The following DNAJC25 variants were observed in gnomAD, a reference collection of about 807,000 sequenced individuals.
DNAJC25 encodes the protein DnaJ heat shock protein family (Hsp40) member C25, also known as dnaJ homolog subfamily C member 25.
DNAJC25 carries 26 observed loss-of-function variants against 42.1 expected under a neutral mutation model. That is an observed-to-expected ratio of 0.62 (90% confidence interval 0.45 to 0.86). The LOEUF (loss-of-function observed/expected upper bound fraction) is 0.86, where lower values mean the gene tolerates loss of function less well. DNAJC25 is among the 40% of genes least tolerant of loss of function. DNAJC25 has a pLI of 0.00. For synonymous variants in DNAJC25, 189 were observed against 179.9 expected (o/e 1.05, Z -0.40); for missense variants, 404 against 459.4 (o/e 0.88, Z 1.10).
intron 3 of DNAJC25, among the ~76,000 whole-genome samples, chr9:111,650,439 G>A (rs572747433): frequency 6.6e-6 from 1 of 151,990 alleles, no homozygotes; most frequent in African/African-American, 2.4e-5. Context: ...AAATTAAATC[G>A]AATTACTGTA....
intron 1 of DNAJC25, among the ~76,000 whole-genome samples, chr9:111,635,002 T>G (rs1830342899): frequency 6.6e-6 from 1 of 152,216 alleles, no homozygotes; most frequent in East Asian, 1.9e-4. Context: ...CCATTATGAT[T>G]TCACACACTG....
At chr9:111,632,284 G>C (rs1438787883) in intron 1 of DNAJC25, among the ~76,000 whole-genome samples, 1 of 149,080 alleles carries the variant, frequency 6.7e-6, no homozygotes, top group African/African-American at 2.4e-5. Context: ...GTATGACCTT[G>C]GATAGTGACT....
At chr9:111,640,047 C>G (rs1405349430) in intron 1 of DNAJC25, among the ~76,000 whole-genome samples, 3 of 151,648 alleles carry the variant, frequency 2.0e-5, no homozygotes, top group African/African-American at 7.3e-5. Context: ...CCTGATTCTC[C>G]TGCCTCAGTC....
In DNAJC25 at chr9:111,653,590, A is replaced by C. The variant is rs1169216270; in HGVS notation, c.*368A>C. ...TTGAGAATGTTACCTTACTGTTTGT[A>C]ATAGTGCTACATTTTTCTGCTTTCA... On this transcript the variant is annotated 3_prime_UTR_variant, in exon 4 of 4. Transcript: ENST00000313525. The C allele has an allele frequency of 6.5e-6, 1 of 154,808 alleles. No homozygotes were observed. Among genetic ancestry groups the C allele is most frequent in the African/African-American group, 2.4e-5 (1 of 41,570 alleles). 9.6% of individuals were successfully genotyped at this position (154,808 alleles called of 1,614,324 possible).
chr9:111,645,089 T>G (rs1225146731), intron 1 of DNAJC25, among the ~76,000 whole-genome samples: 1 of 152,214 alleles, frequency 6.6e-6, no homozygotes, highest in Non-Finnish European at 1.5e-5. Context: ...TCACACCTCG[T>G]TGTATAACTG....
chr9:111,636,595 C>T (rs567732389), intron 1 of DNAJC25, among the ~76,000 whole-genome samples: 24 of 152,304 alleles, frequency 1.6e-4, no homozygotes, highest in South Asian at 4.1e-4. Flanking sequence ...GCTGCGATTA[C>T]TGGCACATGC....
rs554851029 is a variant in DNAJC25, at chr9:111,649,508, C to A, written c.545C>A (p.Pro182His). ...NKAISYLATV[P>H]KYRIQATEIA... is the part of the protein sequence containing the mutation. ...GCAATCAGCTACCTAGCCACAGTGC[C>A]CAAGTACCGTATCCAAGCTACAGAG... The change falls in exon 3 of 4, where the codon CCC (proline) becomes CAC (histidine). Residue 182 changes from proline to histidine, a missense_variant. Physicochemically the swap from Pro to His is moderately conservative, Grantham distance 77. Coordinates refer to ENST00000313525, the MANE Select transcript of DNAJC25 (RefSeq NM_001015882.3). 6.2e-7 allele frequency: 1 copy of A among 1,612,714 alleles called. No homozygotes were observed. Among genetic ancestry groups the A allele is most frequent in the Admixed American group, 1.7e-5 (1 of 59,666 alleles).
At position 111,631,462 on chromosome 9, in the gene DNAJC25, T is replaced by TGGTGGATGCTGCTGGCGCCCCTGCTGCC; in HGVS notation, c.58_85dup (p.Ala29ValfsTer60). On this transcript the variant is annotated frameshift_variant, in exon 1 of 4. Coordinates refer to ENST00000313525, the MANE Select transcript of DNAJC25 (RefSeq NM_001015882.3). LOFTEE classifies it high-confidence loss of function. ...GGGAGCCGGGGCTGCCGGCCGGCGC[T>TGGTGGATGCTGCTGGCGCCCCTGCTGCC]GGTGGATGCTGCTGGCGCCCCTGCT... 7.6e-7 allele frequency: 1 copy of TGGTGGATGCTGCTGGCGCCCCTGCTGCC among 1,311,206 alleles called. No individual in the cohort carries two copies. The highest frequency in any genetic ancestry group is 9.7e-7 in the Non-Finnish European group (1 of 1,035,848). 81.2% of individuals were successfully genotyped at this position (1,311,206 alleles called of 1,614,324 possible).
rs754520350 is a variant in DNAJC25, at chr9:111,649,438, T to C, written c.490-15T>C. On this transcript the variant is annotated splice_polypyrimidine_tract_variant and intron_variant, in intron 2 of 3. Transcript: ENST00000313525. Reference sequence around the variant, plus strand: ...GTAATGAAAATGACTCATTGTTCTCTGTTAATTATTCTAGTTTTTCAGCTG... The same window carrying C: ...GTAATGAAAATGACTCATTGTTCTCCGTTAATTATTCTAGTTTTTCAGCTG... 1.0e-5 allele frequency: 16 copies of C among 1,554,212 alleles called. No homozygotes were observed. In the East Asian group the frequency reaches 3.4e-4, roughly 33 times the overall value.
intron 2 of DNAJC25, among the ~76,000 whole-genome samples, chr9:111,648,572 C>T (rs1399920835): frequency 6.6e-6 from 1 of 152,114 alleles, no homozygotes; most frequent in African/African-American, 2.4e-5. Flanking sequence ...ACTTGGCCGA[C>T]ATTCAATTTT....
intron 1 of DNAJC25, among the ~76,000 whole-genome samples, chr9:111,639,936 C>CTCCGTCTCCGTGTCCGTCTCCGTG (rs1830422888): frequency 7.0e-6 from 1 of 143,048 alleles, no homozygotes; most frequent in African/African-American, 2.7e-5. Flanking sequence ...CCCTCTCCGT[C>CTCCGTCTCCGTGTCCGTCTCCGTG]TCCGTCTCCG....
chr9:111,633,252 A>G (rs1338932154), intron 1 of DNAJC25, among the ~76,000 whole-genome samples: 1 of 152,194 alleles, frequency 6.6e-6, no homozygotes, highest in African/African-American at 2.4e-5. Context: ...AGTAAAATTG[A>G]TAGGATTAGG....
chr9:111,637,426 G>A (rs1451119121), intron 1 of DNAJC25, among the ~76,000 whole-genome samples: 1 of 152,178 alleles, frequency 6.6e-6, no homozygotes, highest in Non-Finnish European at 1.5e-5. Context: ...GGGCAAAAAG[G>A]TATTCTTGAC....
intron 1 of DNAJC25, among the ~76,000 whole-genome samples, chr9:111,646,147 AAT>A (rs1299053288): frequency 6.6e-6 from 1 of 152,194 alleles, no homozygotes; most frequent in African/African-American, 2.4e-5. Context: ...TTGATTTTAT[AAT>A]AGTTTTTATC....
At chr9:111,633,527 G>A (rs551145538) in intron 1 of DNAJC25, among the ~76,000 whole-genome samples, 94 of 152,238 alleles carry the variant, frequency 6.2e-4, no homozygotes, top group Non-Finnish European at 1.1e-3. Flanking sequence ...ACAAGTGGAC[G>A]CTTACCCTCT....
chr9:111,651,256 T>C (rs1245718025), intron 3 of DNAJC25, among the ~76,000 whole-genome samples: 12 of 110,766 alleles, frequency 1.1e-4, no homozygotes, highest in Non-Finnish European at 1.6e-4. Context: ...AGAGTGAGAC[T>C]CTATCTCAAA....
At chr9:111,639,924 C>CCGTCTCCGTGTCCGTCTCCGTG (rs1564083806) in intron 1 of DNAJC25, among the ~76,000 whole-genome samples, 27 of 141,712 alleles carry the variant, frequency 1.9e-4, no homozygotes, top group African/African-American at 6.9e-4. Flanking sequence ...CCCTCTCCCT[C>CCGTCTCCGTGTCCGTCTCCGTG]TCCCTCTCCG....
chr9:111,648,894 C>G (rs755615499), intron 2 of DNAJC25, among the ~76,000 whole-genome samples: 1 of 152,234 alleles, frequency 6.6e-6, no homozygotes, highest in East Asian at 1.9e-4. Flanking sequence ...TTAATGTTCT[C>G]CTGTCCAAAT....
At position 111,653,707 on chromosome 9, in the gene DNAJC25, C is replaced by A. The variant is rs1199905249; in HGVS notation, c.*485C>A. 2 of 152,396 alleles carry A rather than the reference C, an allele frequency of 1.3e-5. No individual in the cohort carries two copies. The highest frequency in any genetic ancestry group is 4.8e-5 in the African/African-American group (2 of 41,436). 9.4% of individuals were successfully genotyped at this position (152,396 alleles called of 1,614,324 possible). On this transcript the variant is annotated 3_prime_UTR_variant, in exon 4 of 4. Transcript: ENST00000313525. The stretch of plus-strand genomic sequence containing the variant: ...GACACAAACTTCTGCAGTAGAATGA[C>A]CTAACATGTCGTTTTCATTGCAGTC...
Sources: allele counts gnomAD v4.1 joint callset (sites outside exome capture counted in the v4.1 genomes callset), GRCh38; gene constraint gnomAD v4.1.1; transcripts MANE v1.5; gene names NCBI Gene and HGNC (gene_info 2026-07-23, HGNC 2026-07-21).